Variants in PLXNB2 observed in about 807,000 individuals in gnomAD.
PLXNB2 encodes the protein plexin-B2.
PLXNB2 carries 85 observed loss-of-function variants against 202.6 expected under a neutral mutation model. The observed-to-expected ratio is 0.42, with a 90% CI of 0.35 to 0.50. The LOEUF (loss-of-function observed/expected upper bound fraction) is 0.50, where lower values mean the gene tolerates loss of function less well. Among genes scored for constraint, PLXNB2 ranks in the 20% least tolerant of loss-of-function variants. The pLI is 0.02. For missense variants in PLXNB2, 2,063 were observed against 2,586.2 expected, an observed-to-expected ratio of 0.80 and a Z score of 4.39; for synonymous variants, 1,239 against 1,137.6, an observed-to-expected ratio of 1.09 and a Z score of -1.79.
At chr22:50,277,546 C>A (rs1196351021) in intron 33 of PLXNB2, 45 bp downstream of exon 33, 1 of 1,514,096 alleles carries the variant, frequency 6.6e-7, no homozygotes, top group Non-Finnish European at 8.9e-7. Flanking sequence ...CTCCTGGGGA[C>A]AGACCCAGGC....
rs1416300554 is a variant in PLXNB2, at chr22:50,288,858, G to A, written c.1265C>T (p.Pro422Leu). ...GTCGTACTCTGAGGAGGTGCCATCT[G>A]GGGTGAGGTACACCTGTGTGCGCGA... Reference protein sequence around the residue: ...DGRILKVYLTPDGTSSEYDSI... With the variant: ...DGRILKVYLTLDGTSSEYDSI... The change falls in exon 5 of 37, where the codon CCA becomes CTA. Residue 422 changes from proline (P) to leucine (L), a missense_variant. Physicochemically the swap from Pro to Leu is moderately conservative, Grantham distance 98. Coordinates refer to ENST00000359337, the MANE Select transcript of PLXNB2 (RefSeq NM_012401.4). The surrounding 1 kb of genome is among the most constrained non-coding windows in gnomAD (Gnocchi z 5.0). The A allele has an allele frequency of 3.1e-6, 5 of 1,613,306 alleles. No homozygotes were observed. The highest frequency in any genetic ancestry group is 1.7e-5 in the Admixed American group (1 of 59,998).
intron 25 of PLXNB2, 130 bp downstream of exon 25, chr22:50,280,359 C>G (rs909602308): frequency 3.1e-5 from 26 of 851,394 alleles, no homozygotes; most frequent in Non-Finnish European, 4.3e-5. Context: ...GACCGCCCCC[C>G]ACCACCAGCG....
At position 50,307,613 on chromosome 22, in the gene PLXNB2, C is replaced by T; in HGVS notation, c.-134G>A. The T allele has an allele frequency of 9.2e-6, 9 of 982,066 alleles. No individual in the cohort carries two copies. The highest frequency in any genetic ancestry group is 1.1e-5 in the Non-Finnish European group (9 of 828,574). The allele number at this position is 982,066 out of a possible 1,614,324, so 60.8% of individuals were successfully genotyped here. On this transcript the variant is annotated 5_prime_UTR_variant, in exon 1 of 37. Transcript: ENST00000359337. ...GCCGCGCTCGGCGCTGCGCTCTGGC[C>T]CGCGCTGCTGCCATGGAGACGGGGC... is the stretch of plus-strand genomic sequence containing the variant.
intron 2 of PLXNB2, among the ~76,000 whole-genome samples, chr22:50,292,989 C>T (rs567184183): frequency 6.6e-6 from 1 of 152,318 alleles, no homozygotes; most frequent in African/African-American, 2.4e-5. Flanking sequence ...CCCACGAGCA[C>T]AGCAGCCGCT....
At chr22:50,298,687 C>G (rs2067451101) in intron 1 of PLXNB2, among the ~76,000 whole-genome samples, 1 of 152,210 alleles carries the variant, frequency 6.6e-6, no homozygotes, top group African/African-American at 2.4e-5. Flanking sequence ...ACTCTGTCAC[C>G]CAGGCTGGAG....
chr22:50,295,170 A>T (rs2067167735), intron 1 of PLXNB2, among the ~76,000 whole-genome samples: 1 of 151,994 alleles, frequency 6.6e-6, no homozygotes, highest in Non-Finnish European at 1.5e-5. Context: ...AATACAAAAA[A>T]ATTAGATGGG....
rs2066281644 is a variant in PLXNB2, at chr22:50,284,571, A to G, written c.2181+2T>C. On this transcript the variant is annotated splice_donor_variant, in intron 12 of 36. Coordinates refer to ENST00000359337, the MANE Select transcript of PLXNB2 (RefSeq NM_012401.4). LOFTEE classifies it high-confidence loss of function. The surrounding 1 kb of genome is among the most constrained non-coding windows in gnomAD (Gnocchi z 8.0). The stretch of plus-strand genomic sequence containing the variant: ...CCGAGCCGGCCTGCCCTGGAGCCGT[A>G]CCTTTGGGGTCCGAAAGGCGAAGGT... The G allele has an allele frequency of 9.3e-6, 15 of 1,606,856 alleles. No individual in the cohort carries two copies. Among genetic ancestry groups the G allele is most frequent in the Non-Finnish European group, 1.3e-5 (15 of 1,176,996 alleles).
At chr22:50,282,685 G>C in intron 18 of PLXNB2, 26 bp downstream of exon 18, 1 of 1,543,106 alleles carries the variant, frequency 6.5e-7, no homozygotes, top group Non-Finnish European at 8.9e-7. Context: ...GGGGAGCAGA[G>C]GGGGGCGGGG....
At chr22:50,301,726 T>C (rs1424613270) in intron 1 of PLXNB2, among the ~76,000 whole-genome samples, 2 of 152,036 alleles carry the variant, frequency 1.3e-5, no homozygotes, top group Non-Finnish European at 2.9e-5. Context: ...GGGGTGGGCG[T>C]TGGGGGGTGG....
intron 1 of PLXNB2, among the ~76,000 whole-genome samples, chr22:50,300,918 C>T (rs754981871): frequency 5.3e-5 from 8 of 152,200 alleles, no homozygotes; most frequent in Admixed American, 1.3e-4. Context: ...GTACCCAGGG[C>T]CTCTGTATCT....
In PLXNB2 at chr22:50,294,800, C is replaced by T. The variant is rs1427790563; in HGVS notation, c.-73-22G>A. 12 of 982,814 alleles carry T rather than the reference C, an allele frequency of 1.2e-5. No homozygotes were observed. In the East Asian group the frequency reaches 7.9e-4, roughly 65 times the overall value. 60.9% of individuals were successfully genotyped at this position (982,814 alleles called of 1,614,324 possible). ...TTCTCTAGGAGGCAAAGGAGAGACG[C>T]CGGTCACAAGAGGAGCCCGGTCTGC... is the stretch of plus-strand genomic sequence containing the variant. On this transcript the variant is annotated intron_variant, in intron 1 of 36. Coordinates refer to ENST00000359337, the MANE Select transcript of PLXNB2 (RefSeq NM_012401.4).
rs539757529 is a variant in PLXNB2 at position 50,298,072 on chromosome 22, G to C, written c.-73-3294C>G. Among the ~76,000 whole-genome samples the C allele has an allele frequency of 1.3e-3, 193 of 152,262 alleles. 1 individual carries two copies. The highest frequency in any genetic ancestry group is 4.4e-3 in the African/African-American group (184 of 41,528). On this transcript the variant is annotated intron_variant, in intron 1 of 36. Transcript: ENST00000359337. ...TTCCCCGACAGGCCCCGGCTGCCCCGCCGCCCTGCCCCAACAAGTCCAAAC... is the reference window on the plus strand; with the variant it reads ...TTCCCCGACAGGCCCCGGCTGCCCCCCCGCCCTGCCCCAACAAGTCCAAAC...
intron 1 of PLXNB2, among the ~76,000 whole-genome samples, chr22:50,299,590 G>T (rs1569183260): frequency 6.6e-6 from 1 of 152,070 alleles, no homozygotes; most frequent in Non-Finnish European, 1.5e-5. Flanking sequence ...CAAAACAAGC[G>T]CGAGGGGGGT....
rs936601331 is a variant in PLXNB2, at chr22:50,289,910, G to A, written c.675C>T (p.Gly225=). 3.7e-6 allele frequency: 6 copies of A among 1,613,186 alleles called. No individual in the cohort carries two copies. The highest frequency in any genetic ancestry group is 5.1e-6 in the Non-Finnish European group (6 of 1,180,034). ...GGTTGAAGACAAAGAAGACGTAGGGGCCGTCCTCGAAGGCCGCCACGAACT... is the reference window on the plus strand; with the variant it reads ...GGTTGAAGACAAAGAAGACGTAGGGACCGTCCTCGAAGGCCGCCACGAACT... ...TQQFVAAFED[G]PYVFFVFNQQ... Residue 225 remains glycine (G), a synonymous_variant, in exon 3 of 37, where the codon GGC becomes GGT. Transcript: ENST00000359337. This position sits in a 1 kb window ranked among gnomAD's most constrained non-coding sequence, Gnocchi z 8.0.
At chr22:50,306,987 C>T (rs1208855384) in intron 1 of PLXNB2, among the ~76,000 whole-genome samples, 4 of 151,950 alleles carry the variant, frequency 2.6e-5, no homozygotes, top group African/African-American at 7.3e-5. Context: ...AGGCAGGGCT[C>T]GCGCCCCCGC....
Position 50,288,089 on chromosome 22 carries a change from C to T in PLXNB2, c.1381-52G>A, listed in dbSNP as rs1423757321. ...CCACAGCAGAGGCCGCACGGGCCTT[C>T]CGCAGACCCCAGATGTCCCCAGACC... On this transcript the variant is annotated intron_variant, in intron 5 of 36. Coordinates refer to ENST00000359337, the MANE Select transcript of PLXNB2 (RefSeq NM_012401.4). The surrounding 1 kb of genome is among the most constrained non-coding windows in gnomAD (Gnocchi z 5.0). 2.2e-6 allele frequency: 3 copies of T among 1,387,520 alleles called. No individual in the cohort carries two copies. The highest frequency in any genetic ancestry group is 1.2e-5 in the South Asian group (1 of 80,498). The allele number at this position is 1,387,520 out of a possible 1,614,324, so 86.0% of individuals were successfully genotyped here. A position where few individuals can be genotyped will look rare whatever the true frequency, so the allele number is the denominator to read the frequency against.
chr22:50,278,428 G>A lies in PLXNB2; in HGVS notation c.4732+7C>T, dbSNP rs774904458. On this transcript the variant is annotated splice_region_variant and intron_variant, in intron 30 of 36. Coordinates refer to ENST00000359337, the MANE Select transcript of PLXNB2 (RefSeq NM_012401.4). Reference sequence around the variant, plus strand: ...TGGAAGGAAACGGGCAACAGGGAGGGACTCACGCTCCCCAGGCAGGTCCTG... The same window carrying A: ...TGGAAGGAAACGGGCAACAGGGAGGAACTCACGCTCCCCAGGCAGGTCCTG... The A allele has an allele frequency of 6.0e-5, 94 of 1,559,560 alleles. 1 individual carries two copies. The highest frequency in any genetic ancestry group is 4.6e-4 in the Admixed American group (24 of 51,840).
Position 50,280,550 on chromosome 22 carries a change from G to A in PLXNB2, c.4114C>T (p.Leu1372Phe). The change falls in exon 25 of 37, where the codon CTC becomes TTC. Residue 1372 changes from leucine (L) to phenylalanine (F), a missense_variant. This residue lies in a region of PLXNB2 where 760 missense variants were observed against 1,109.4 expected (regional missense o/e 0.69). Transcript: ENST00000359337. ...LEYYTDIMHT[L>F]FLELLEQYVV... The stretch of plus-strand genomic sequence containing the variant: ...TACTGCTCCAGGAGCTCCAGGAAGA[G>A]CGTGTGCATGATGTCCGTGTAGTAC... 6.2e-7 allele frequency: 1 copy of A among 1,612,148 alleles called. No homozygotes were observed. Among genetic ancestry groups the A allele is most frequent in the Non-Finnish European group, 8.5e-7 (1 of 1,179,858 alleles).
chr22:50,304,690 G>A (rs971073834), intron 1 of PLXNB2, among the ~76,000 whole-genome samples: 4 of 150,542 alleles, frequency 2.7e-5, no homozygotes, highest in African/African-American at 4.9e-5. Context: ...CCTCCCCATC[G>A]TGTAATTAGT....
Sources: allele counts gnomAD v4.1 joint callset (sites outside exome capture counted in the v4.1 genomes callset), GRCh38; gene constraint gnomAD v4.1.1; regional missense constraint gnomAD v4.1.1; non-coding constraint Gnocchi (gnomAD v3.1); transcripts MANE v1.5; gene names NCBI Gene and HGNC (gene_info 2026-07-23, HGNC 2026-07-21).